Variants in KCNQ1 observed in about 807,000 individuals in gnomAD.
KCNQ1 encodes the protein potassium voltage-gated channel subfamily Q member 1, also known as potassium voltage-gated channel subfamily KQT member 1.
A neutral mutation model predicts 72.4 loss-of-function variants in KCNQ1; 49 were observed. The ratio of observed to expected loss-of-function variants is 0.68; its 90% CI spans 0.54 to 0.86. The LOEUF is 0.86. KCNQ1 is among the 40% of genes least tolerant of loss of function. The pLI is 0.00. For missense variants in KCNQ1, 790 were observed against 945.1 expected (o/e 0.84, Z 2.15); for synonymous variants, 450 against 412.6 (o/e 1.09, Z -1.10).
At position 2,698,788 on chromosome 11, in the gene KCNQ1, C is replaced by T. The variant is rs2133901040; in HGVS notation, c.1514+36707C>T. The T allele has an allele frequency of 2.5e-6, 1 of 398,776 alleles. No homozygotes were observed. The highest frequency in any genetic ancestry group is 1.3e-4 in the South Asian group (1 of 7,850). 24.7% of individuals were successfully genotyped at this position (398,776 alleles called of 1,614,324 possible). On this transcript the variant is annotated intron_variant, in intron 11 of 15. Transcript: ENST00000155840. This position sits in a 1 kb window ranked among gnomAD's most constrained non-coding sequence, Gnocchi z 5.1. ...AGACTCCAGACCGGGATTCAGGTCC[C>T]CAACTCAGACTCCCGATCCTCTGTC...
rs1846061159 is a variant in KCNQ1 at position 2,447,674 on chromosome 11, A to G, written c.386+2190A>G. Among the ~76,000 whole-genome samples, 2 of 152,164 alleles carry G rather than the reference A, an allele frequency of 1.3e-5. No homozygotes were observed. The highest frequency in any genetic ancestry group is 4.8e-5 in the African/African-American group (2 of 41,434). The stretch of plus-strand genomic sequence containing the variant: ...CGCCAGTCCAGCCTTGTGTTGCTGT[A>G]AGAAGTCTTGGCAATGGTGGCGGAG... On this transcript the variant is annotated intron_variant, in intron 1 of 15. Coordinates refer to ENST00000155840, the MANE Select transcript of KCNQ1 (RefSeq NM_000218.3). The surrounding 1 kb of genome is among the most constrained non-coding windows in gnomAD (Gnocchi z 7.6).
At chr11:2,584,349 T>A (rs1404506796) in intron 7 of KCNQ1, among the ~76,000 whole-genome samples, 1 of 151,932 alleles carries the variant, frequency 6.6e-6, no homozygotes, top group African/African-American at 2.4e-5. Flanking sequence ...TAGTGTGGGT[T>A]AGTGTATGTT....
chr11:2,586,444 C>G (rs1054615796), intron 8 of KCNQ1, among the ~76,000 whole-genome samples: 2 of 152,216 alleles, frequency 1.3e-5, no homozygotes, highest in African/African-American at 2.4e-5. Flanking sequence ...CATGAGCATG[C>G]TGGCCGCCCA....
At chr11:2,578,266 C>T (rs1418638528) in intron 6 of KCNQ1, among the ~76,000 whole-genome samples, 1 of 152,166 alleles carries the variant, frequency 6.6e-6, no homozygotes, top group South Asian at 2.1e-4. Flanking sequence ...TGAGGCCAGA[C>T]GGACAGGGTG....
intron 11 of KCNQ1, among the ~76,000 whole-genome samples, chr11:2,718,246 T>C (rs1272940566): frequency 4.5e-4 from 68 of 152,214 alleles, no homozygotes; most frequent in African/African-American, 2.4e-5. Context: ...CACCTTGTGC[T>C]TGCTCTGGGC....
chr11:2,456,745 C>A (rs1846195897), intron 1 of KCNQ1, among the ~76,000 whole-genome samples: 1 of 141,618 alleles, frequency 7.1e-6, no homozygotes, highest in African/African-American at 2.7e-5. Flanking sequence ...CATGGTGAAA[C>A]CCTGTCTCTA....
In KCNQ1 at chr11:2,674,749, C is replaced by G; in HGVS notation, c.1514+12668C>G. ...TAACTCGTTAAAGTTGCTCCAATCCCAGCCCAGTGCCAGACCAGCTTCCTG... is the reference window on the plus strand; with the variant it reads ...TAACTCGTTAAAGTTGCTCCAATCCGAGCCCAGTGCCAGACCAGCTTCCTG... On this transcript the variant is annotated intron_variant, in intron 11 of 15. Coordinates refer to ENST00000155840, the MANE Select transcript of KCNQ1 (RefSeq NM_000218.3). This position sits in a 1 kb window ranked among gnomAD's most constrained non-coding sequence, Gnocchi z 5.9. The G allele has an allele frequency of 2.5e-6, 1 of 397,740 alleles. No homozygotes were observed. Among genetic ancestry groups the G allele is most frequent in the Non-Finnish European group, 4.4e-6 (1 of 225,986 alleles). 24.6% of individuals were successfully genotyped at this position (397,740 alleles called of 1,614,324 possible).
intron 1 of KCNQ1, among the ~76,000 whole-genome samples, chr11:2,506,364 A>T (rs1033703253): frequency 6.6e-6 from 1 of 152,148 alleles, no homozygotes; most frequent in African/African-American, 2.4e-5. Flanking sequence ...AGACCACTAC[A>T]TATCAGTTCG....
chr11:2,448,127 G>A (rs563985533), intron 1 of KCNQ1, among the ~76,000 whole-genome samples: 3 of 152,340 alleles, frequency 2.0e-5, no homozygotes, highest in East Asian at 1.9e-4. Flanking sequence ...TGCACCCAGC[G>A]GTCCTAGCTC....
At chr11:2,718,630 T>C (rs1851141993) in intron 11 of KCNQ1, among the ~76,000 whole-genome samples, 1 of 152,214 alleles carries the variant, frequency 6.6e-6, no homozygotes, top group African/African-American at 2.4e-5. Flanking sequence ...ACGTGCTTTG[T>C]GTAGACGCAT....
At chr11:2,449,842 C>A (rs1846098156) in intron 1 of KCNQ1, among the ~76,000 whole-genome samples, 4 of 152,180 alleles carry the variant, frequency 2.6e-5, no homozygotes, top group African/African-American at 9.7e-5. Flanking sequence ...GACGTCCTTG[C>A]CAGTGTGATC....
In KCNQ1 at chr11:2,745,992, C is replaced by T. The variant is rs780315699; in HGVS notation, c.1515-22852C>T. On this transcript the variant is annotated intron_variant, in intron 11 of 15. Coordinates refer to ENST00000155840, the MANE Select transcript of KCNQ1 (RefSeq NM_000218.3). The surrounding 1 kb of genome is among the most constrained non-coding windows in gnomAD (Gnocchi z 6.2). ...GCAAACTCCACCTCCCGGGTTCAAGCGATTGTCTCACCTCAGCCTCCTGAG... is the reference window on the plus strand; with the variant it reads ...GCAAACTCCACCTCCCGGGTTCAAGTGATTGTCTCACCTCAGCCTCCTGAG... Among the ~76,000 whole-genome samples the T allele has an allele frequency of 3.9e-5, 6 of 152,308 alleles. No homozygotes were observed. The highest frequency in any genetic ancestry group is 2.1e-4 in the South Asian group (1 of 4,830).
rs1306668339 is a variant in KCNQ1 at position 2,595,152 on chromosome 11, CAT to C, written c.1393+6303_1393+6304del. ...CTCCTGTGAGAGCAAGTCTAAGTAA[CAT>C]ATATTGAGAAGAGAGTTTTATTTTA... On this transcript the variant is annotated intron_variant, in intron 10 of 15. Coordinates refer to ENST00000155840, the MANE Select transcript of KCNQ1 (RefSeq NM_000218.3). The surrounding 1 kb of genome is among the most constrained non-coding windows in gnomAD (Gnocchi z 5.0). Among the ~76,000 whole-genome samples the C allele has an allele frequency of 6.6e-6, 1 of 152,074 alleles. No individual in the cohort carries two copies. The highest frequency in any genetic ancestry group is 6.5e-5 in the Admixed American group (1 of 15,272).
intron 15 of KCNQ1, among the ~76,000 whole-genome samples, chr11:2,804,241 G>A (rs570034890): frequency 1.2e-4 from 19 of 152,240 alleles, no homozygotes; most frequent in African/African-American, 2.6e-4. Flanking sequence ...GCTCTCCACC[G>A]AGCCCTGCAA....
chr11:2,486,877 C>T lies in KCNQ1; in HGVS notation c.387-41051C>T, dbSNP rs1453502243. 6.6e-6 allele frequency among the ~76,000 whole-genome samples: 1 copy of T among 152,180 alleles called. No homozygotes were observed. The highest frequency in any genetic ancestry group is 6.5e-5 in the Admixed American group (1 of 15,280). On this transcript the variant is annotated intron_variant, in intron 1 of 15. Coordinates refer to ENST00000155840, the MANE Select transcript of KCNQ1 (RefSeq NM_000218.3). This position sits in a 1 kb window ranked among gnomAD's most constrained non-coding sequence, Gnocchi z 5.0. Reference sequence around the variant, plus strand: ...AGGCCCCACCTCCAACGCTGGGGATCACATTTCAACATGAGAGTTGGAGGG... The same window carrying T: ...AGGCCCCACCTCCAACGCTGGGGATTACATTTCAACATGAGAGTTGGAGGG...
chr11:2,667,323 A>C (rs981181970), intron 11 of KCNQ1: 3 of 398,444 alleles, frequency 7.5e-6, no homozygotes, highest in Non-Finnish European at 1.3e-5. Flanking sequence ...GGCCCAGAAG[A>C]AAGCAGTGAG....
In KCNQ1 at chr11:2,593,092, G is replaced by T. The variant is rs1477783264; in HGVS notation, c.1393+4238G>T. On this transcript the variant is annotated intron_variant, in intron 10 of 15. Coordinates refer to ENST00000155840, the MANE Select transcript of KCNQ1 (RefSeq NM_000218.3). This position sits in a 1 kb window ranked among gnomAD's most constrained non-coding sequence, Gnocchi z 6.9. ...CCTCCTCATAGGGGAGTGGCCCTTT[G>T]TCTTTCACCACTGACCCTTCCCAAG... Among the ~76,000 whole-genome samples, 5 of 152,182 alleles carry T rather than the reference G, an allele frequency of 3.3e-5. No individual in the cohort carries two copies. The highest frequency in any genetic ancestry group is 7.3e-5 in the Non-Finnish European group (5 of 68,038).
Position 2,674,066 on chromosome 11 carries a change from A to G in KCNQ1, c.1514+11985A>G, listed in dbSNP as rs553773026. ...CTCATTTGTACTTGCTGGCTGCCCC[A>G]TGGGGGCTTGGGCTAGGTCTCCCTG... is the stretch of plus-strand genomic sequence containing the variant. On this transcript the variant is annotated intron_variant, in intron 11 of 15. Coordinates refer to ENST00000155840, the MANE Select transcript of KCNQ1 (RefSeq NM_000218.3). This position sits in a 1 kb window ranked among gnomAD's most constrained non-coding sequence, Gnocchi z 5.9. 2.3e-5 allele frequency: 9 copies of G among 398,442 alleles called. No individual in the cohort carries two copies. The highest frequency in any genetic ancestry group is 1.3e-5 in the Non-Finnish European group (3 of 226,074). The allele number at this position is 398,442 out of a possible 1,614,324, so 24.7% of individuals were successfully genotyped here.
chr11:2,777,750 G>C, intron 14 of KCNQ1: 1 of 620,484 alleles, frequency 1.6e-6, no homozygotes. Flanking sequence ...GAGGTGGAGA[G>C]CGTGGAGCAG....
Sources: gnomAD v4.1 joint callset for allele counts (sites outside exome capture counted in the v4.1 genomes callset) on GRCh38, gnomAD v4.1.1 for gene constraint, Gnocchi (gnomAD v3.1) non-coding constraint, MANE v1.5 for transcripts, NCBI Gene and HGNC (gene_info 2026-07-23, HGNC 2026-07-21) for gene names.